The following PMFBP1 variants were observed in gnomAD, a reference collection of about 807,000 sequenced individuals.
PMFBP1 encodes the protein polyamine modulated factor 1 binding protein 1.
PMFBP1 carries 131 observed loss-of-function variants against 137.8 expected under a neutral mutation model. The ratio of observed to expected loss-of-function variants is 0.95; its 90% confidence interval spans 0.82 to 1.10. PMFBP1 has a LOEUF of 1.10. PMFBP1 is among the 50% of genes least tolerant of loss of function. The pLI, the probability that PMFBP1 is intolerant of heterozygous loss-of-function variation, is 0.00. For missense variants in PMFBP1, 1,199 were observed against 1,175.4 expected (o/e 1.02, Z -0.29); for synonymous variants, 490 against 450.4 (o/e 1.09, Z -1.11).
the PMFBP1 span, among the ~76,000 whole-genome samples, chr16:72,195,673 T>C: frequency 1.3e-5 from 2 of 152,258 alleles, no homozygotes. Context: ...TACTACTCTC[T>C]TTCATTAATG....
At chr16:72,227,759 C>T in the PMFBP1 span, among the ~76,000 whole-genome samples, 3 of 152,158 alleles carry the variant, frequency 2.0e-5, no homozygotes, top group African/African-American at 7.2e-5. Flanking sequence ...CATTAAGCCT[C>T]AGTCCTCACA....
the PMFBP1 span, among the ~76,000 whole-genome samples, chr16:72,249,312 G>C: frequency 6.6e-6 from 1 of 151,380 alleles, no homozygotes; most frequent in South Asian, 2.1e-4. Context: ...AAAAAATCGT[G>C]AAGCAGGCGA....
chr16:72,143,352 A>G (rs1465638312), intron 5 of PMFBP1, among the ~76,000 whole-genome samples: 1 of 152,260 alleles, frequency 6.6e-6, no homozygotes, highest in Admixed American at 6.5e-5. Flanking sequence ...TTGAAAGGGA[A>G]AGCAATTTAG....
rs777939429 is a variant in PMFBP1 at position 72,154,441 on chromosome 16, C to T, written c.184G>A (p.Ala62Thr). ...NSSHDKKQAQALAFEESEVEF... is the reference protein window; with the variant it reads ...NSSHDKKQAQTLAFEESEVEF... ...ACCTCTGACTCCTCGAATGCTAATG[C>T]CTGTGCTTGCTTCTTGTCCTACCAT... Residue 62 changes from alanine (A) to threonine (T), a missense_variant, in exon 4 of 21, where the codon GCA becomes ACA. Coordinates refer to ENST00000237353, the MANE Select transcript of PMFBP1 (RefSeq NM_031293.3). The T allele has an allele frequency of 6.2e-7, 1 of 1,613,876 alleles. No individual in the cohort carries two copies.
chr16:72,125,941 C>T, intron 15 of PMFBP1, 27 bp downstream of exon 15: 2 of 1,610,296 alleles, frequency 1.2e-6, no homozygotes, highest in East Asian at 2.2e-5. Flanking sequence ...TGAAAACAGC[C>T]CTGGAGACTA....
chr16:72,159,429 A>C (rs529702331), intron 3 of PMFBP1, among the ~76,000 whole-genome samples: 1 of 152,348 alleles, frequency 6.6e-6, no homozygotes, highest in Non-Finnish European at 1.5e-5. Context: ...AGGCAACATG[A>C]TGGGCTAGCC....
the PMFBP1 span, among the ~76,000 whole-genome samples, chr16:72,218,697 A>G: frequency 6.6e-6 from 1 of 152,222 alleles, no homozygotes. Context: ...ACAGTGGGTA[A>G]CAGCTTTGAA....
At chr16:72,148,857 C>T (rs531014450) in intron 5 of PMFBP1, among the ~76,000 whole-genome samples, 5 of 152,140 alleles carry the variant, frequency 3.3e-5, no homozygotes, top group South Asian at 4.1e-4. Flanking sequence ...ATTGTGTAGG[C>T]TGAAGAAAAC....
chr16:72,249,298 A>G, the PMFBP1 span, among the ~76,000 whole-genome samples: 1 of 152,134 alleles, frequency 6.6e-6, no homozygotes, highest in African/African-American at 2.4e-5. Context: ...ATATATTAAA[A>G]AATAAAAAAT....
At chr16:72,237,671 G>A in the PMFBP1 span, among the ~76,000 whole-genome samples, 1 of 151,876 alleles carries the variant, frequency 6.6e-6, no homozygotes, top group Admixed American at 6.6e-5. Context: ...TAAATTTAGG[G>A]GTACATGTGC....
chr16:72,157,050 G>A (rs1054673556), intron 3 of PMFBP1, among the ~76,000 whole-genome samples: 1 of 151,466 alleles, frequency 6.6e-6, no homozygotes, highest in Admixed American at 6.6e-5. Flanking sequence ...TTAGCCGGGT[G>A]TGGTGGCGGG....
At chr16:72,217,883 T>C in the PMFBP1 span, among the ~76,000 whole-genome samples, 1 of 152,058 alleles carries the variant, frequency 6.6e-6, no homozygotes, top group East Asian at 1.9e-4. Context: ...AACAGAACAA[T>C]AAGTCAAGCT....
At chr16:72,214,207 T>G in the PMFBP1 span, among the ~76,000 whole-genome samples, 1 of 152,206 alleles carries the variant, frequency 6.6e-6, no homozygotes, top group East Asian at 1.9e-4. Flanking sequence ...TAAGTTTTTT[T>G]TTTTTGAGAT....
chr16:72,167,278 C>T (rs1183232561), intron 2 of PMFBP1, among the ~76,000 whole-genome samples: 1 of 152,120 alleles, frequency 6.6e-6, no homozygotes, highest in Non-Finnish European at 1.5e-5. Context: ...TCTTCATTTC[C>T]ATTTAGTACC....
intron 2 of PMFBP1, among the ~76,000 whole-genome samples, chr16:72,165,702 G>C (rs1356847103): frequency 6.6e-6 from 1 of 152,064 alleles, no homozygotes; most frequent in East Asian, 1.9e-4. Context: ...ACAGGCATGA[G>C]CCACCGTGCC....
the PMFBP1 span, among the ~76,000 whole-genome samples, chr16:72,189,990 C>G: frequency 6.6e-6 from 1 of 152,012 alleles, no homozygotes; most frequent in African/African-American, 2.4e-5. Context: ...GGCAGGCAGT[C>G]AGTCAGTTGT....
the PMFBP1 span, among the ~76,000 whole-genome samples, chr16:72,236,441 T>C: frequency 1.3e-5 from 2 of 152,286 alleles, no homozygotes; most frequent in Admixed American, 6.5e-5. Context: ...GTAAGTGGGA[T>C]TGAAAAATGT....
the PMFBP1 span, among the ~76,000 whole-genome samples, chr16:72,220,215 A>G: frequency 6.7e-4 from 102 of 152,358 alleles, no homozygotes; most frequent in African/African-American, 2.4e-3. Context: ...TTTTTTAAAG[A>G]AGCTTTCAGT....
chr16:72,149,782 C>G (rs2042873224), intron 5 of PMFBP1, among the ~76,000 whole-genome samples: 1 of 151,936 alleles, frequency 6.6e-6, no homozygotes, highest in Admixed American at 6.6e-5. Flanking sequence ...AAGATTGCAC[C>G]ACTATCTCAA....
Sources: gnomAD v4.1 joint callset for allele counts (sites outside exome capture counted in the v4.1 genomes callset) on GRCh38, gnomAD v4.1.1 for gene constraint, MANE v1.5 for transcripts, NCBI Gene and HGNC (gene_info 2026-07-23, HGNC 2026-07-21) for gene names.